The following TRHDE variants were observed in gnomAD, a reference collection of about 807,000 sequenced individuals.
TRHDE encodes the protein thyrotropin releasing hormone degrading enzyme.
Under a neutral mutation model 125.7 loss-of-function variants are expected in TRHDE, and 72 were observed. The observed-to-expected ratio is 0.57, with a 90% CI of 0.47 to 0.70. TRHDE has a LOEUF of 0.70. Among genes scored for constraint, TRHDE ranks in the 30% least tolerant of loss-of-function variants. The probability of loss-of-function intolerance (pLI) is 0.00; values close to 1 mark genes in which losing one functional copy is unlikely to be tolerated. For synonymous variants in TRHDE, 509 were observed against 509.1 expected (o/e 1.00, Z 0.00); for missense variants, 1,110 against 1,327.1 (o/e 0.84, Z 2.54).
chr12:72,601,543 C>T (rs1335522461), intron 12 of TRHDE, among the ~76,000 whole-genome samples: 2 of 152,096 alleles, frequency 1.3e-5, no homozygotes, highest in African/African-American at 4.8e-5. Flanking sequence ...TGTGATCAAA[C>T]AACGTCTTAT....
intron 12 of TRHDE, among the ~76,000 whole-genome samples, chr12:72,612,503 G>T (rs1270563540): frequency 6.6e-6 from 1 of 152,178 alleles, no homozygotes; most frequent in Non-Finnish European, 1.5e-5. Flanking sequence ...TTGCTTGTCA[G>T]TCCTGGCTTT....
intron 2 of TRHDE, among the ~76,000 whole-genome samples, chr12:72,224,479 T>C (rs984927119): frequency 1.3e-5 from 2 of 152,150 alleles, no homozygotes; most frequent in African/African-American, 4.8e-5. Flanking sequence ...AACTGGACTT[T>C]CGTGACTGAA....
intron 5 of TRHDE, among the ~76,000 whole-genome samples, chr12:72,492,944 T>C (rs1877748067): frequency 6.6e-6 from 1 of 151,880 alleles, no homozygotes; most frequent in African/African-American, 2.4e-5. Flanking sequence ...CTATTAATAA[T>C]ACTGCACCCA....
intron 2 of TRHDE, among the ~76,000 whole-genome samples, chr12:72,304,624 C>T (rs559244923): frequency 6.6e-6 from 1 of 152,246 alleles, no homozygotes; most frequent in South Asian, 2.1e-4. Flanking sequence ...AAACAACTGT[C>T]TCTAGAAAGT....
intron 6 of TRHDE, 91 bp from the exon 7 acceptor site, chr12:72,542,200 C>T (rs1869184596): frequency 3.7e-6 from 3 of 815,856 alleles, no homozygotes; most frequent in Admixed American, 5.9e-5. Flanking sequence ...AATAGAATAG[C>T]ATGAATGAAG....
At chr12:72,584,388 A>C (rs1327818854) in intron 12 of TRHDE, among the ~76,000 whole-genome samples, 3 of 152,102 alleles carry the variant, frequency 2.0e-5, no homozygotes, top group Non-Finnish European at 4.4e-5. Flanking sequence ...ATGATCTTAC[A>C]TTATTTTTGT....
chr12:72,433,183 T>G (rs1490543100), intron 3 of TRHDE, among the ~76,000 whole-genome samples: 9 of 152,148 alleles, frequency 5.9e-5, no homozygotes, highest in Admixed American at 5.2e-4. Context: ...TTTGATTTGT[T>G]TCAGGATTTG....
chr12:72,381,810 C>T (rs1327900859), intron 3 of TRHDE, among the ~76,000 whole-genome samples: 3 of 152,146 alleles, frequency 2.0e-5, no homozygotes, highest in Non-Finnish European at 4.4e-5. Flanking sequence ...TTTAGTGAGA[C>T]AGAAGGATTG....
intron 3 of TRHDE, among the ~76,000 whole-genome samples, chr12:72,379,201 A>G (rs1184717783): frequency 6.6e-6 from 1 of 152,234 alleles, no homozygotes; most frequent in Non-Finnish European, 1.5e-5. Context: ...TCTTGCAATG[A>G]GTAGTTAGTT....
chr12:72,668,604 A>T lies in TRHDE; in HGVS notation c.*5409A>T, dbSNP rs1223195466. On this transcript the variant is annotated 3_prime_UTR_variant, in exon 19 of 19. Coordinates refer to ENST00000261180, the MANE Select transcript of TRHDE (RefSeq NM_013381.3). ...GTTTGTGCTGTATTAATGTTAAGTG[A>T]GTTAAGATAAAGGGAAGCTACAAAA... 4.6e-5 allele frequency: 7 copies of T among 151,826 alleles called. No homozygotes were observed. The highest frequency in any genetic ancestry group is 1.0e-4 in the Non-Finnish European group (7 of 67,840). 9.4% of individuals were successfully genotyped at this position (151,826 alleles called of 1,614,324 possible).
chr12:72,135,927 G>T (rs1875975364), intron 2 of TRHDE, among the ~76,000 whole-genome samples: 1 of 152,022 alleles, frequency 6.6e-6, no homozygotes, highest in Admixed American at 6.6e-5. Flanking sequence ...ATATCTTGGG[G>T]CTCGTTTTTT....
chr12:72,449,217 G>C (rs1488660870), intron 3 of TRHDE, among the ~76,000 whole-genome samples: 5 of 151,996 alleles, frequency 3.3e-5, no homozygotes, highest in Non-Finnish European at 5.9e-5. Context: ...GTTTGAAATA[G>C]AGGTCTAACT....
chr12:72,410,840 G>A (rs1873464523), intron 3 of TRHDE, among the ~76,000 whole-genome samples: 1 of 151,500 alleles, frequency 6.6e-6, no homozygotes, highest in African/African-American at 2.4e-5. Context: ...AACATTACAT[G>A]GGAAGCCTGA....
At chr12:72,442,159 G>T (rs1237713641) in intron 3 of TRHDE, among the ~76,000 whole-genome samples, 1 of 151,842 alleles carries the variant, frequency 6.6e-6, no homozygotes, top group Non-Finnish European at 1.5e-5. Context: ...TATTTAGGTG[G>T]TTGATAACTA....
At chr12:72,147,770 T>A (rs1182130551) in intron 2 of TRHDE, 1 of 152,254 alleles carries the variant, frequency 6.6e-6, no homozygotes, top group Non-Finnish European at 1.5e-5. Flanking sequence ...ACTTACTTAT[T>A]GCCATGTGTA....
intron 15 of TRHDE, among the ~76,000 whole-genome samples, chr12:72,650,567 T>G (rs1299997660): frequency 6.6e-6 from 1 of 152,144 alleles, no homozygotes; most frequent in Non-Finnish European, 1.5e-5. Context: ...TATCCCTATA[T>G]TCTCTCTAGT....
At chr12:72,532,987 C>T (rs1180226103) in intron 6 of TRHDE, among the ~76,000 whole-genome samples, 1 of 151,908 alleles carries the variant, frequency 6.6e-6, no homozygotes, top group Non-Finnish European at 1.5e-5. Flanking sequence ...AGCTTGTACT[C>T]ATTTTCAATT....
At chr12:72,572,318 A>G (rs1278110010) in intron 10 of TRHDE, among the ~76,000 whole-genome samples, 1 of 152,172 alleles carries the variant, frequency 6.6e-6, no homozygotes, top group Non-Finnish European at 1.5e-5. Context: ...AATCTTATAA[A>G]ATACCAACTA....
At chr12:72,585,580 T>C (rs572485369) in intron 12 of TRHDE, among the ~76,000 whole-genome samples, 1 of 152,206 alleles carries the variant, frequency 6.6e-6, no homozygotes, top group Non-Finnish European at 1.5e-5. Flanking sequence ...TAAGAGGAAG[T>C]AGAATATGAC....
Sources: allele counts gnomAD v4.1 joint callset (sites outside exome capture counted in the v4.1 genomes callset), GRCh38; gene constraint gnomAD v4.1.1; transcripts MANE v1.5; gene names NCBI Gene and HGNC (gene_info 2026-07-23, HGNC 2026-07-21).